Variants in CLOCK observed in about 807,000 individuals in gnomAD.
The protein encoded by CLOCK is circadian locomoter output cycles protein kaput.
A neutral mutation model predicts 118.4 loss-of-function variants in CLOCK; 43 were observed. The ratio of observed to expected loss-of-function variants is 0.36; its 90% CI spans 0.28 to 0.47. The LOEUF (loss-of-function observed/expected upper bound fraction) is 0.47. CLOCK is among the 20% of genes least tolerant of loss of function. The pLI is 1.00. For synonymous variants in CLOCK, 326 were observed against 339.2 expected (o/e 0.96, Z 0.43); for missense variants, 846 against 999.9 (o/e 0.85, Z 2.08).
intron 1 of CLOCK, among the ~76,000 whole-genome samples, chr4:55,537,912 C>T (rs1731009332): frequency 1.3e-5 from 2 of 152,148 alleles, no homozygotes; most frequent in Admixed American, 6.5e-5. Context: ...AAAAAGAAAA[C>T]AAATTAAACC....
chr4:55,498,538 T>A (rs1462455590), intron 2 of CLOCK, among the ~76,000 whole-genome samples: 1 of 152,054 alleles, frequency 6.6e-6, no homozygotes. Flanking sequence ...TGTTACCCAT[T>A]TCTGCTTTTC....
intron 1 of CLOCK, among the ~76,000 whole-genome samples, chr4:55,515,997 T>G (rs1479219477): frequency 1.3e-5 from 2 of 152,222 alleles, no homozygotes; most frequent in Non-Finnish European, 2.9e-5. Context: ...TTGTTTAATC[T>G]TCAAGTATTT....
chr4:55,443,582 A>C (rs1286319898), intron 20 of CLOCK, 105 bp downstream of exon 20: 4 of 894,644 alleles, frequency 4.5e-6, no homozygotes, highest in South Asian at 4.2e-5. Context: ...AATACTATTA[A>C]ATTTTGAAAT....
chr4:55,542,397 T>C (rs755804698), intron 1 of CLOCK, among the ~76,000 whole-genome samples: 2 of 136,952 alleles, frequency 1.5e-5, no homozygotes, highest in African/African-American at 5.3e-5. Flanking sequence ...ATTATTATTA[T>C]TATTAATGTC....
Position 55,535,237 on chromosome 4 carries a change from G to GA in CLOCK, c.-290+11544_-290+11545insT, listed in dbSNP as rs1289236997. Among the ~76,000 whole-genome samples, 3 of 152,116 alleles carry GA rather than the reference G, an allele frequency of 2.0e-5. No individual in the cohort carries two copies. In the East Asian group the frequency reaches 5.8e-4, roughly 29 times the overall value. ...TTATGGTGATTACAAGAATGTTTAG[G>GA]TTTGTCAAAACTCAAGCTGCATACT... On this transcript the variant is annotated intron_variant, in intron 1 of 22. Transcript: ENST00000513440.
In CLOCK at chr4:55,430,969, C is replaced by T. The variant is rs1722461105; in HGVS notation, c.*4446G>A. The T allele has an allele frequency of 6.6e-6, 1 of 152,180 alleles. No homozygotes were observed. The highest frequency in any genetic ancestry group is 2.4e-5 in the African/African-American group (1 of 41,432). 9.4% of individuals were successfully genotyped at this position (152,180 alleles called of 1,614,324 possible). ...TGAAATCACTCCCATAAACCAACTA[C>T]GGTTCACTGGACCTAAACATTTCTC... On this transcript the variant is annotated 3_prime_UTR_variant, in exon 23 of 23. Coordinates refer to ENST00000513440, the MANE Select transcript of CLOCK (RefSeq NM_004898.4).
intron 1 of CLOCK, among the ~76,000 whole-genome samples, chr4:55,530,173 T>A (rs948779266): frequency 1.3e-5 from 2 of 152,100 alleles, no homozygotes; most frequent in African/African-American, 4.8e-5. Flanking sequence ...AATTCATATC[T>A]AAACACATAA....
intron 1 of CLOCK, among the ~76,000 whole-genome samples, chr4:55,535,641 TAAAAAGCTAAATAAATTATA>T (rs1469779057): frequency 6.6e-6 from 1 of 151,832 alleles, no homozygotes; most frequent in African/African-American, 2.4e-5. Context: ...AAGAACAACT[TAAAAAGCTAAATAAATTATA>T]AAAATCATAT....
intron 21 of CLOCK, among the ~76,000 whole-genome samples, chr4:55,440,404 C>T (rs1723268282): frequency 6.6e-6 from 1 of 152,124 alleles, no homozygotes; most frequent in African/African-American, 2.4e-5. Flanking sequence ...AATATTATTT[C>T]CATTTGCCTT....
At chr4:55,514,081 A>T (rs1729329099) in intron 1 of CLOCK, among the ~76,000 whole-genome samples, 5 of 152,090 alleles carry the variant, frequency 3.3e-5, no homozygotes, top group Admixed American at 3.3e-4. Flanking sequence ...CTTCTTTCCC[A>T]ATCAGTATAC....
chr4:55,488,776 C>A (rs555887081), intron 3 of CLOCK, among the ~76,000 whole-genome samples: 1 of 152,160 alleles, frequency 6.6e-6, no homozygotes, highest in Non-Finnish European at 1.5e-5. Flanking sequence ...CACTCTGTCT[C>A]CCAGGCTGGA....
At chr4:55,461,061 C>T (rs1725308142) in intron 9 of CLOCK, among the ~76,000 whole-genome samples, 1 of 151,980 alleles carries the variant, frequency 6.6e-6, no homozygotes, top group African/African-American at 2.4e-5. Context: ...GCAGGAACTA[C>T]AGACATGTGC....
At position 55,459,225 on chromosome 4, in the gene CLOCK, C is replaced by T. The variant is rs758354128; in HGVS notation, c.596G>A (p.Arg199Gln). The change falls in exon 10 of 23, where the codon CGA becomes CAA. Residue 199 changes from arginine (R) to glutamine (Q), a missense_variant. Arg to Gln is a conservative substitution (Grantham distance 43). Around this residue, in one of 4 missense-constraint regions of CLOCK, gnomAD observed 246 missense variants for 300.2 expected, o/e 0.82. Transcript: ENST00000513440. The part of the protein sequence containing the change: ...NQLEFCCHML[R>Q]GTIDPKEPST... ...TGGCTCCTTTGGGTCTATTGTTCCT[C>T]GCAGCATGTGACAACAGAATTCTAA... 9.3e-6 allele frequency: 15 copies of T among 1,612,120 alleles called. No homozygotes were observed. Among genetic ancestry groups the T allele is most frequent in the South Asian group, 6.6e-5 (6 of 91,006 alleles).
intron 4 of CLOCK, among the ~76,000 whole-genome samples, chr4:55,482,168 A>C (rs1163756941): frequency 6.6e-6 from 1 of 152,148 alleles, no homozygotes; most frequent in Non-Finnish European, 1.5e-5. Context: ...CGTGTCGCTG[A>C]GGTTTGGTGT....
intron 4 of CLOCK, among the ~76,000 whole-genome samples, chr4:55,481,510 G>T (rs146861335): frequency 9.9e-5 from 15 of 152,130 alleles, no homozygotes; most frequent in African/African-American, 3.4e-4. Context: ...CATTAATTCC[G>T]CCTGTAACTA....
chr4:55,452,474 C>G (rs78202948), intron 15 of CLOCK: 4,256 of 152,704 alleles, frequency 0.028, 84 homozygotes, highest in Non-Finnish European at 0.038. Flanking sequence ...ATGAAAGAAT[C>G]TGAAGTAGAG....
chr4:55,511,266 G>A (rs1034524760), intron 1 of CLOCK, among the ~76,000 whole-genome samples: 3 of 146,676 alleles, frequency 2.0e-5, no homozygotes, highest in African/African-American at 7.3e-5. Context: ...TATCAAGCAA[G>A]TGCTTTCATT....
chr4:55,543,917 T>A (rs1731443052), intron 1 of CLOCK, among the ~76,000 whole-genome samples: 1 of 152,136 alleles, frequency 6.6e-6, no homozygotes, highest in Admixed American at 6.5e-5. Context: ...AATATAAGTA[T>A]CCTATCCTAC....
chr4:55,431,563 C>A lies in CLOCK; in HGVS notation c.*3852G>T, dbSNP rs1560404234. On this transcript the variant is annotated 3_prime_UTR_variant, in exon 23 of 23. Coordinates refer to ENST00000513440, the MANE Select transcript of CLOCK (RefSeq NM_004898.4). ...TCAGCTTGTCCTGGCTAGAAAGACT[C>A]ACTCAGCAACATTAATATCCAGTGT... 6.8e-6 allele frequency: 1 copy of A among 147,784 alleles called. No homozygotes were observed. Among genetic ancestry groups the A allele is most frequent in the Non-Finnish European group, 1.5e-5 (1 of 64,900 alleles). 9.2% of individuals were successfully genotyped at this position (147,784 alleles called of 1,614,324 possible).
Sources: allele counts gnomAD v4.1 joint callset (sites outside exome capture counted in the v4.1 genomes callset), GRCh38; gene constraint gnomAD v4.1.1; regional missense constraint gnomAD v4.1.1; transcripts MANE v1.5; gene names NCBI Gene and HGNC (gene_info 2026-07-23, HGNC 2026-07-21).